Variants in GSK3B observed in about 807,000 individuals in gnomAD.
GSK3B encodes glycogen synthase kinase 3 beta, also known as glycogen synthase kinase-3 beta.
Under a neutral mutation model 56.4 loss-of-function variants are expected in GSK3B, and 15 were observed. The observed-to-expected ratio is 0.27, with a 90% CI of 0.18 to 0.41. The LOEUF (loss-of-function observed/expected upper bound fraction) is 0.41, where lower values mean the gene tolerates loss of function less well. Among genes scored for constraint, GSK3B ranks in the 10% least tolerant of loss-of-function variants. The pLI, the probability that GSK3B is intolerant of heterozygous loss-of-function variation, is 1.00. For missense variants in GSK3B, 300 were observed against 513.4 expected, an observed-to-expected ratio of 0.58 and a Z score of 4.02; for synonymous variants, 181 against 188.9, an observed-to-expected ratio of 0.96 and a Z score of 0.34.
At chr3:119,901,119 C>CAT (rs773129145) in intron 7 of GSK3B, among the ~76,000 whole-genome samples, 1 of 152,086 alleles carries the variant, frequency 6.6e-6, no homozygotes, top group Non-Finnish European at 1.5e-5. Flanking sequence ...TGTCAGTGAA[C>CAT]ATTACATTTG....
chr3:120,060,376 T>C (rs1335184079), intron 1 of GSK3B, among the ~76,000 whole-genome samples: 1 of 152,110 alleles, frequency 6.6e-6, no homozygotes, highest in Non-Finnish European at 1.5e-5. Context: ...ACAGACCAGA[T>C]ACATTAGCAG....
chr3:119,897,221 G>A (rs767810620), intron 7 of GSK3B, among the ~76,000 whole-genome samples: 10 of 152,082 alleles, frequency 6.6e-5, no homozygotes, highest in Non-Finnish European at 1.0e-4. Context: ...CCATGCCTAG[G>A]CACACATACT....
intron 1 of GSK3B, among the ~76,000 whole-genome samples, chr3:120,031,135 T>A (rs1302977684): frequency 6.6e-6 from 1 of 152,240 alleles, no homozygotes; most frequent in African/African-American, 2.4e-5. Flanking sequence ...AAGTGCTAAG[T>A]ATTTAATGGT....
chr3:119,988,660 C>T (rs1476010879), intron 2 of GSK3B, among the ~76,000 whole-genome samples: 4 of 152,126 alleles, frequency 2.6e-5, no homozygotes, highest in Non-Finnish European at 5.9e-5. Flanking sequence ...CCAGGAATAC[C>T]AAGTTATCTT....
chr3:119,967,216 T>C (rs1425503234), intron 2 of GSK3B, among the ~76,000 whole-genome samples: 1 of 152,126 alleles, frequency 6.6e-6, no homozygotes, highest in African/African-American at 2.4e-5. Context: ...TAGCTGGGAC[T>C]ACAGGCGTGT....
chr3:119,916,301 A>G (rs1178551823), intron 4 of GSK3B, 127 bp from the exon 5 acceptor site: 4 of 694,148 alleles, frequency 5.8e-6, no homozygotes, highest in Non-Finnish European at 9.4e-6. Flanking sequence ...CTGGCACTCA[A>G]TCTTCCTTTC....
At chr3:119,967,843 TC>T (rs1481793510) in intron 2 of GSK3B, among the ~76,000 whole-genome samples, 2 of 82,442 alleles carry the variant, frequency 2.4e-5, no homozygotes, top group African/African-American at 1.8e-4. Context: ...TTTCTCTCTC[TC>T]TCTCTCTCTC....
At chr3:119,987,488 G>C (rs1047879830) in intron 2 of GSK3B, among the ~76,000 whole-genome samples, 1 of 152,058 alleles carries the variant, frequency 6.6e-6, no homozygotes, top group Non-Finnish European at 1.5e-5. Context: ...TTGTTTTGAA[G>C]GTTTAAGCAA....
chr3:119,954,283 AGAATAGAATAGAATAGAAT>A (rs1181571667), intron 2 of GSK3B, among the ~76,000 whole-genome samples: 77 of 141,060 alleles, frequency 5.5e-4, no homozygotes, highest in Non-Finnish European at 8.0e-4. Flanking sequence ...AGAATAGAAT[AGAATAGAATAGAATAGAAT>A]AGAAAAGAAA....
intron 9 of GSK3B, among the ~76,000 whole-genome samples, chr3:119,861,786 C>T (rs1023121603): frequency 5.9e-5 from 9 of 152,080 alleles, no homozygotes; most frequent in Admixed American, 1.3e-4. Context: ...ACTTAGTATG[C>T]GTAAGCACAC....
At chr3:120,025,535 A>AT (rs1427237141) in intron 1 of GSK3B, among the ~76,000 whole-genome samples, 1 of 152,250 alleles carries the variant, frequency 6.6e-6, no homozygotes, top group Non-Finnish European at 1.5e-5. Context: ...ATGATCCAAT[A>AT]TAAGGATAAT....
At chr3:120,073,350 G>C (rs962424744) in intron 1 of GSK3B, among the ~76,000 whole-genome samples, 1 of 151,056 alleles carries the variant, frequency 6.6e-6, no homozygotes, top group East Asian at 2.0e-4. Flanking sequence ...CCACACCACA[G>C]CACTTCAGCC....
intron 3 of GSK3B, among the ~76,000 whole-genome samples, chr3:119,938,202 A>G (rs780268290): frequency 7.5e-4 from 114 of 152,266 alleles, no homozygotes; most frequent in Non-Finnish European, 3.4e-4. Flanking sequence ...TTACTAAAGA[A>G]GAAATTAACA....
chr3:119,863,274 A>C, intron 9 of GSK3B, 145 bp downstream of exon 9: 1 of 667,014 alleles, frequency 1.5e-6, no homozygotes, highest in South Asian at 1.9e-5. Flanking sequence ...GTGGCCAGTA[A>C]GTTAGAAAGG....
chr3:120,081,231 C>T (rs190369319), intron 1 of GSK3B, among the ~76,000 whole-genome samples: 1 of 151,478 alleles, frequency 6.6e-6, no homozygotes, highest in Non-Finnish European at 1.5e-5. Flanking sequence ...TTTCCTTTCC[C>T]TACTATCATT....
chr3:119,919,705 G>A (rs1034473738), intron 4 of GSK3B, among the ~76,000 whole-genome samples: 1 of 151,932 alleles, frequency 6.6e-6, no homozygotes, highest in African/African-American at 2.4e-5. Context: ...TACCGTAAGT[G>A]CACAGGGTTG....
At chr3:119,862,799 G>C (rs890536807) in intron 9 of GSK3B, among the ~76,000 whole-genome samples, 3 of 150,826 alleles carry the variant, frequency 2.0e-5, no homozygotes, top group Non-Finnish European at 4.4e-5. Context: ...AAAGAAAACT[G>C]AACACAGAAA....
At chr3:119,940,722 T>C (rs2057040073) in intron 3 of GSK3B, among the ~76,000 whole-genome samples, 1 of 152,144 alleles carries the variant, frequency 6.6e-6, no homozygotes, top group Non-Finnish European at 1.5e-5. Flanking sequence ...GAGATTTCTT[T>C]GAAAACCTAA....
intron 1 of GSK3B, among the ~76,000 whole-genome samples, chr3:120,069,873 ATTTC>A: frequency 6.6e-6 from 1 of 152,288 alleles, no homozygotes; most frequent in South Asian, 2.1e-4. Flanking sequence ...TTAAGATGGA[ATTTC>A]TATTACTTTA....
Sources: gnomAD v4.1 joint callset for allele counts (sites outside exome capture counted in the v4.1 genomes callset) on GRCh38, gnomAD v4.1.1 for gene constraint, MANE v1.5 for transcripts, NCBI Gene and HGNC (gene_info 2026-07-23, HGNC 2026-07-21) for gene names.